The following HENMT1 variants were observed in gnomAD, a reference collection of about 807,000 sequenced individuals.
The protein encoded by HENMT1 is HEN methyltransferase 1.
In HENMT1, 27 loss-of-function variants were observed where a neutral mutation model predicts 31.1. That is an observed-to-expected ratio of 0.87 (90% confidence interval 0.64 to 1.20). The LOEUF is 1.20. HENMT1 is among the 50% of genes most tolerant of loss of function. The pLI, the probability that HENMT1 is intolerant of heterozygous loss-of-function variation, is 0.00. For synonymous variants in HENMT1, 167 were observed against 172.2 expected (o/e 0.97, Z 0.24); for missense variants, 438 against 469.6 (o/e 0.93, Z 0.62).
At chr1:108,649,730 G>A (rs1450111747) in intron 7 of HENMT1, among the ~76,000 whole-genome samples, 3 of 152,172 alleles carry the variant, frequency 2.0e-5, no homozygotes, top group Admixed American at 2.0e-4. Context: ...AGCCAAGCTG[G>A]GGAGAAACTG....
At chr1:108,653,771 T>C (rs1463992815) in intron 5 of HENMT1, among the ~76,000 whole-genome samples, 1 of 152,216 alleles carries the variant, frequency 6.6e-6, no homozygotes, top group Admixed American at 6.5e-5. Flanking sequence ...TATTTGGGGT[T>C]TTTTTGCTGT....
intron 5 of HENMT1, among the ~76,000 whole-genome samples, chr1:108,652,121 G>A (rs1570632931): frequency 6.6e-6 from 1 of 152,230 alleles, no homozygotes; most frequent in Non-Finnish European, 1.5e-5. Flanking sequence ...CCAGGCAAAC[G>A]TGACAAATGC....
chr1:108,658,193 G>A (rs561954551), intron 2 of HENMT1, among the ~76,000 whole-genome samples: 5 of 151,364 alleles, frequency 3.3e-5, no homozygotes, highest in Middle Eastern at 3.4e-3. Context: ...GTGCAGTGGC[G>A]CGATCTCAGC....
At chr1:108,650,831 T>C (rs1658031105) in intron 6 of HENMT1, among the ~76,000 whole-genome samples, 199 bp downstream of exon 6, 1 of 152,222 alleles carries the variant, frequency 6.6e-6, no homozygotes, top group South Asian at 2.1e-4. Context: ...AGGTGCCCAG[T>C]AACCACACCC....
At chr1:108,649,287 A>G (rs1452126101) in intron 7 of HENMT1, 9 of 518,318 alleles carry the variant, frequency 1.7e-5, no homozygotes, top group African/African-American at 1.7e-4. Context: ...GCAAAAAAAA[A>G]TGAAAAATGG....
At chr1:108,655,730 CATTT>C (rs778274761) in intron 3 of HENMT1, 32 bp from the exon 4 acceptor site, 2 of 1,450,074 alleles carry the variant, frequency 1.4e-6, no homozygotes, top group Non-Finnish European at 9.6e-7. Flanking sequence ...ATTTCAAAGA[CATTT>C]ATAGCAAGAG....
chr1:108,659,342 C>A (rs1205261032), intron 2 of HENMT1, among the ~76,000 whole-genome samples: 1 of 151,466 alleles, frequency 6.6e-6, no homozygotes, highest in East Asian at 1.9e-4. Flanking sequence ...CCAGCCTGGG[C>A]AACAGAGCAA....
chr1:108,660,351 A>G (rs1349426973), intron 1 of HENMT1, among the ~76,000 whole-genome samples: 1 of 152,152 alleles, frequency 6.6e-6, no homozygotes, highest in Non-Finnish European at 1.5e-5. Context: ...CTTTACTATC[A>G]TGAATAGTTC....
chr1:108,652,027 A>T (rs113594312), intron 5 of HENMT1, among the ~76,000 whole-genome samples: 1,798 of 152,354 alleles, frequency 0.012, 35 homozygotes, highest in African/African-American at 0.041. Flanking sequence ...ACATTCTAGA[A>T]AATAGCACAT....
chr1:108,655,811 AAG>A lies in HENMT1; in HGVS notation c.151-115_151-114del. 1.0e-5 allele frequency: 5 copies of A among 498,642 alleles called. No homozygotes were observed. The East Asian group carries it at 1.8e-4, about 18-fold the overall frequency. The allele number at this position is 498,642 out of a possible 1,614,324, so 30.9% of individuals were successfully genotyped here. ...GTATATATCAGTAATAAAATAATGA[AAG>A]TATTATATGGAAGGATCTTTTTGGC... On this transcript the variant is annotated intron_variant, in intron 3 of 7. Coordinates refer to ENST00000651461, the MANE Select transcript of HENMT1 (RefSeq NM_001102592.2).
In HENMT1 at chr1:108,651,223, T is replaced by C. The variant is rs759144932; in HGVS notation, c.399-14A>G. The C allele has an allele frequency of 6.9e-6, 11 of 1,595,840 alleles. No homozygotes were observed. The highest frequency in any genetic ancestry group is 8.5e-6 in the Non-Finnish European group (10 of 1,170,060). On this transcript the variant is annotated splice_polypyrimidine_tract_variant and intron_variant, in intron 5 of 7. Coordinates refer to ENST00000651461, the MANE Select transcript of HENMT1 (RefSeq NM_001102592.2). ...AAATGTTCTATTCTAAAATGGTTAA[T>C]GAGAAAGACATAATAAAATCTAGCT...
intron 4 of HENMT1, 50 bp from the exon 5 acceptor site, chr1:108,654,900 T>C (rs72695688): frequency 1.3e-4 from 213 of 1,578,852 alleles, no homozygotes; most frequent in Admixed American, 1.0e-3. Context: ...TATTTAAAAA[T>C]TCTCACCAGC....
At chr1:108,650,093 G>T in intron 7 of HENMT1, 118 bp downstream of exon 7, 1 of 907,852 alleles carries the variant, frequency 1.1e-6, no homozygotes, top group Non-Finnish European at 1.8e-6. Context: ...CTCCTAGAGT[G>T]AACCACAAAG....
At chr1:108,655,813 G>A in intron 3 of HENMT1, 115 bp from the exon 4 acceptor site, 2 of 377,442 alleles carry the variant, frequency 5.3e-6, no homozygotes, top group South Asian at 2.8e-5. Flanking sequence ...AATAATGAAA[G>A]TATTATATGG....
chr1:108,655,378 T>C (rs891622751), intron 4 of HENMT1, among the ~76,000 whole-genome samples: 1 of 152,226 alleles, frequency 6.6e-6, no homozygotes, highest in African/African-American at 2.4e-5. Context: ...TTGATTATTA[T>C]AATCATTTAA....
intron 6 of HENMT1, 55 bp from the exon 7 acceptor site, chr1:108,650,443 A>C: frequency 6.8e-7 from 1 of 1,465,160 alleles, no homozygotes; most frequent in Non-Finnish European, 9.4e-7. Flanking sequence ...CTACTGTTAA[A>C]TAAGGAACCA....
Position 108,648,375 on chromosome 1 carries a change from C to A in HENMT1, c.*191G>T. ...ATCAAAGGAAAGCACCCGTTTTAAA[C>A]CCTCATATCTTTCTCAGGGCTCACT... On this transcript the variant is annotated 3_prime_UTR_variant, in exon 8 of 8. Coordinates refer to ENST00000651461, the MANE Select transcript of HENMT1 (RefSeq NM_001102592.2). 1 of 565,062 alleles carries A rather than the reference C, an allele frequency of 1.8e-6. No individual in the cohort carries two copies. The highest frequency in any genetic ancestry group is 3.1e-6 in the Non-Finnish European group (1 of 322,982). The allele number at this position is 565,062 out of a possible 1,614,324, so 35.0% of individuals were successfully genotyped here. A position where few individuals can be genotyped will look rare whatever the true frequency, so the allele number is the denominator to read the frequency against.
At position 108,660,728 on chromosome 1, in the gene HENMT1, TC is replaced by T. The variant is rs1658432146; in HGVS notation, c.-79+234del. On this transcript the variant is annotated intron_variant, in intron 1 of 7. Coordinates refer to ENST00000651461, the MANE Select transcript of HENMT1 (RefSeq NM_001102592.2). ...TCACGAGGTCAGGAGATCGAGACCA[TC>T]CCGGCTAAAACGGTGAAACCCCGTC... is the stretch of plus-strand genomic sequence containing the variant. 1.3e-5 allele frequency among the ~76,000 whole-genome samples: 2 copies of T among 151,572 alleles called. 1 individual carries two copies. The highest frequency in any genetic ancestry group is 2.9e-5 in the Non-Finnish European group (2 of 67,888).
intron 5 of HENMT1, among the ~76,000 whole-genome samples, chr1:108,651,776 G>T (rs1044320291): frequency 6.6e-6 from 1 of 151,844 alleles, no homozygotes; most frequent in Non-Finnish European, 1.5e-5. Context: ...GGGGGAAAAA[G>T]AACAATTATT....
Sources: gnomAD v4.1 joint callset for allele counts (sites outside exome capture counted in the v4.1 genomes callset) on GRCh38, gnomAD v4.1.1 for gene constraint, MANE v1.5 for transcripts, NCBI Gene and HGNC (gene_info 2026-07-23, HGNC 2026-07-21) for gene names.